NEXMIF: variants seen among roughly 807,000 people sequenced by gnomAD.
NEXMIF encodes the protein neurite extension and migration factor, also known as XLMR protein related to neurite extension.
NEXMIF carries 8 observed loss-of-function variants against 62.1 expected under a neutral mutation model. That is an observed-to-expected ratio of 0.13 (90% CI 0.08 to 0.23). The LOEUF is 0.23. Among genes scored for constraint, NEXMIF ranks in the 10% least tolerant of loss-of-function variants. NEXMIF has a pLI of 1.00. For missense variants in NEXMIF, 976 were observed against 1,113.3 expected (o/e 0.88, Z 1.75); for synonymous variants, 404 against 416.6 (o/e 0.97, Z 0.37).
chrX:74,811,363 T>C (rs2080360037), intron 1 of NEXMIF, among the ~76,000 whole-genome samples: 1 of 111,871 alleles, frequency 8.9e-6, no homozygotes, highest in African/African-American at 3.2e-5. Flanking sequence ...CTGTAGGCTA[T>C]GTGACGTGGG....
At chrX:74,864,173 C>T (rs192903757) in intron 1 of NEXMIF, among the ~76,000 whole-genome samples, 227 of 111,917 alleles carry the variant, frequency 2.0e-3, no homozygotes, top group African/African-American at 7.1e-3. Flanking sequence ...TGGCACAAGA[C>T]GAGGATGTCC....
intron 1 of NEXMIF, among the ~76,000 whole-genome samples, chrX:74,764,747 T>A (rs535769160): frequency 3.6e-5 from 4 of 112,226 alleles, no homozygotes; most frequent in African/African-American, 1.3e-4. Context: ...AGTTTTTTTT[T>A]AGTCCTGATT....
At chrX:74,808,204 G>C (rs1193794180) in intron 1 of NEXMIF, among the ~76,000 whole-genome samples, 1 of 110,801 alleles carries the variant, frequency 9.0e-6, no homozygotes, top group Non-Finnish European at 1.9e-5. Flanking sequence ...AGGAGTTCGA[G>C]ACCAGCCTGG....
chrX:74,846,919 C>T (rs182632994), intron 1 of NEXMIF, among the ~76,000 whole-genome samples: 1 of 111,911 alleles, frequency 8.9e-6, no homozygotes, highest in Non-Finnish European at 1.9e-5. Context: ...GGGGATGGAA[C>T]TAGAATATTC....
chrX:74,808,894 T>C (rs1325625533), intron 1 of NEXMIF, among the ~76,000 whole-genome samples: 2 of 112,211 alleles, frequency 1.8e-5, no homozygotes, highest in Non-Finnish European at 3.8e-5. Context: ...TTTCAATGCT[T>C]TTGTTCCTTC....
intron 1 of NEXMIF, among the ~76,000 whole-genome samples, chrX:74,782,229 C>T (rs1448479945): frequency 8.9e-6 from 1 of 111,747 alleles, no homozygotes; most frequent in Non-Finnish European, 1.9e-5. Context: ...TTGGCAGCTT[C>T]TTCTAGGCCA....
At chrX:74,878,697 C>T (rs1279000567) in intron 1 of NEXMIF, among the ~76,000 whole-genome samples, 3 of 112,545 alleles carry the variant, frequency 2.7e-5, no homozygotes, top group Non-Finnish European at 5.6e-5. Context: ...CCTGATGCGC[C>T]GTTTTTTAAG....
chrX:74,744,387 G>T lies in NEXMIF; in HGVS notation c.170C>A (p.Thr57Asn). 1 of 1,209,812 alleles carries T rather than the reference G, an allele frequency of 8.3e-7. No individual in the cohort carries two copies. Among genetic ancestry groups the T allele is most frequent in the Non-Finnish European group, 1.1e-6 (1 of 894,242 alleles). The change falls in exon 3 of 4, where the codon ACC (threonine) becomes AAC (asparagine). Residue 57 changes from threonine (T) to asparagine (N), a missense_variant. Physicochemically the swap from Thr to Asn is moderately conservative, Grantham distance 65. Transcript: ENST00000055682. ...IQPTPVAQKE[T>N]LMYPRGLLPL... is the part of the protein sequence containing the mutation. ...CAGGAGACCTCTGGGATACATCAGG[G>T]TCTCTTTTTGTGCCACCGGTGTAGG...
chrX:74,846,384 C>T (rs765350694), intron 1 of NEXMIF, among the ~76,000 whole-genome samples: 1 of 112,050 alleles, frequency 8.9e-6, no homozygotes, highest in Non-Finnish European at 1.9e-5. Flanking sequence ...TCCACTCCCA[C>T]CACTAAACCT....
chrX:74,801,123 T>C (rs745790474), intron 1 of NEXMIF, among the ~76,000 whole-genome samples: 7 of 112,136 alleles, frequency 6.2e-5, no homozygotes, highest in African/African-American at 2.3e-4. Context: ...GCATTTCAAG[T>C]TTCTCCATGT....
At chrX:74,801,356 T>C (rs954820675) in intron 1 of NEXMIF, among the ~76,000 whole-genome samples, 11 of 111,754 alleles carry the variant, frequency 9.8e-5, no homozygotes, top group Non-Finnish European at 1.5e-4. Flanking sequence ...CTGGATCATA[T>C]GGTAAGAATA....
chrX:74,775,040 T>A (rs940926369), intron 1 of NEXMIF, among the ~76,000 whole-genome samples: 1 of 111,732 alleles, frequency 8.9e-6, no homozygotes, highest in African/African-American at 3.3e-5. Flanking sequence ...GTTAAAATAT[T>A]TTTTTGGGGG....
At chrX:74,843,366 T>C (rs1479926143) in intron 1 of NEXMIF, among the ~76,000 whole-genome samples, 4 of 111,046 alleles carry the variant, frequency 3.6e-5, no homozygotes, top group Non-Finnish European at 7.5e-5. Flanking sequence ...GTAAGTGTCA[T>C]TATGTGTGAG....
At chrX:74,771,058 C>T (rs185743282) in intron 1 of NEXMIF, among the ~76,000 whole-genome samples, 19 of 111,817 alleles carry the variant, frequency 1.7e-4, no homozygotes, top group Admixed American at 4.8e-4. Flanking sequence ...TACTCTATAC[C>T]TTTATCAAAA....
chrX:74,739,597 G>A lies in NEXMIF; in HGVS notation c.4458-99C>T, dbSNP rs1204963168. ...TAAATTTGTTAACATCATACTAGAT[G>A]CCGTATGATGTAGAAAAAGATACAA... On this transcript the variant is annotated intron_variant, in intron 3 of 3. Transcript: ENST00000055682. 1.0e-5 allele frequency: 5 copies of A among 481,660 alleles called. No homozygotes were observed. The East Asian group carries it at 2.0e-4, about 20-fold the overall frequency. 39.7% of individuals were successfully genotyped at this position (481,660 alleles called of 1,213,427 possible).
chrX:74,736,767 G>T lies in NEXMIF; in HGVS notation c.*2638C>A, dbSNP rs1485744352. ...TTTATGTTTCAGTACAAAGTGACTG[G>T]TTATGCGTCACTAATTTATATATTA... On this transcript the variant is annotated 3_prime_UTR_variant, in exon 4 of 4. Transcript: ENST00000055682. 1 of 112,100 alleles carries T rather than the reference G, an allele frequency of 8.9e-6. No homozygotes were observed. The highest frequency in any genetic ancestry group is 3.3e-5 in the African/African-American group (1 of 30,764). The allele number at this position is 112,100 out of a possible 1,213,427, so 9.2% of individuals were successfully genotyped here. A position where few individuals can be genotyped will look rare whatever the true frequency, so the allele number is the denominator to read the frequency against.
chrX:74,763,679 T>C (rs1297581022), intron 1 of NEXMIF, among the ~76,000 whole-genome samples: 1 of 106,044 alleles, frequency 9.4e-6, no homozygotes, highest in East Asian at 3.0e-4. Context: ...AAGAGGTCCT[T>C]CACATCCCTT....
intron 1 of NEXMIF, among the ~76,000 whole-genome samples, chrX:74,811,456 T>C (rs950705800): frequency 1.8e-5 from 2 of 112,521 alleles, no homozygotes; most frequent in African/African-American, 3.2e-5. Context: ...TCATTGTTGA[T>C]GGTATTCTCT....
chrX:74,816,792 C>A (rs185223866), intron 1 of NEXMIF, among the ~76,000 whole-genome samples: 3 of 111,940 alleles, frequency 2.7e-5, no homozygotes, highest in African/African-American at 9.7e-5. Context: ...TCACAAGTAA[C>A]TCCTTTTCTT....
Sources: allele counts gnomAD v4.1 joint callset (sites outside exome capture counted in the v4.1 genomes callset), GRCh38; gene constraint gnomAD v4.1.1; transcripts MANE v1.5; gene names NCBI Gene and HGNC (gene_info 2026-07-23, HGNC 2026-07-21).